The following CNTNAP2 variants were observed in gnomAD, a reference collection of about 807,000 sequenced individuals.
CNTNAP2 encodes contactin-associated protein-like 2.
Under a neutral mutation model 155.2 loss-of-function variants are expected in CNTNAP2, and 98 were observed. The ratio of observed to expected loss-of-function variants is 0.63; its 90% CI spans 0.54 to 0.75. CNTNAP2 has a LOEUF of 0.75. Ranked by LOEUF, CNTNAP2 falls within the 30% of genes least tolerant of loss-of-function variation. The probability of loss-of-function intolerance (pLI) is 0.00; values close to 1 mark genes in which losing one functional copy is unlikely to be tolerated. For synonymous variants in CNTNAP2, 651 were observed against 631.2 expected (o/e 1.03, Z -0.47); for missense variants, 1,727 against 1,688.1 (o/e 1.02, Z -0.40).
intron 1 of CNTNAP2, among the ~76,000 whole-genome samples, chr7:146,465,725 A>T (rs1796707554): frequency 6.6e-6 from 1 of 152,184 alleles, no homozygotes; most frequent in South Asian, 2.1e-4. Context: ...AGAGTACTAG[A>T]GATTGATACG....
intron 10 of CNTNAP2, 107 bp downstream of exon 10, chr7:147,395,887 G>T (rs892076793): frequency 1.6e-6 from 2 of 1,274,010 alleles, no homozygotes; most frequent in Non-Finnish European, 2.3e-6. Flanking sequence ...TTAAAAACAG[G>T]TAAGGTGGAA....
At chr7:148,075,167 T>C (rs1803461032) in intron 15 of CNTNAP2, among the ~76,000 whole-genome samples, 1 of 152,232 alleles carries the variant, frequency 6.6e-6, no homozygotes, top group South Asian at 2.1e-4. Context: ...TCAGGTGTGG[T>C]GGCTCATGCC....
chr7:146,409,241 A>G (rs1795834160), intron 1 of CNTNAP2, among the ~76,000 whole-genome samples: 1 of 152,198 alleles, frequency 6.6e-6, no homozygotes, highest in South Asian at 2.1e-4. Context: ...CTAAAGGTAT[A>G]AGTCATTTTG....
intron 15 of CNTNAP2, among the ~76,000 whole-genome samples, chr7:148,061,503 G>A (rs1223658131): frequency 1.3e-5 from 2 of 151,936 alleles, no homozygotes; most frequent in South Asian, 2.1e-4. Context: ...ACAGGTGCAC[G>A]CCATCACGCC....
intron 8 of CNTNAP2, among the ~76,000 whole-genome samples, chr7:147,187,717 G>T (rs1802596533): frequency 6.6e-6 from 1 of 152,090 alleles, no homozygotes; most frequent in Non-Finnish European, 1.5e-5. Context: ...GTAAAAACCT[G>T]CATCTGTACC....
At chr7:147,486,182 T>A in intron 11 of CNTNAP2, 141 bp downstream of exon 11, 2 of 553,782 alleles carry the variant, frequency 3.6e-6, no homozygotes, top group Admixed American at 4.3e-5. Context: ...AATTGTCATT[T>A]CTCCAAAAAA....
intron 3 of CNTNAP2, among the ~76,000 whole-genome samples, chr7:146,842,817 C>G (rs552637323): frequency 6.6e-6 from 1 of 151,742 alleles, no homozygotes; most frequent in East Asian, 2.0e-4. Flanking sequence ...TCCCAAGTAG[C>G]TGGGACCACA....
rs1488517451 is a variant in CNTNAP2, at chr7:146,256,768, T to A, written c.97+139795T>A. The stretch of plus-strand genomic sequence containing the variant: ...TTACCACAACACGGCAATGCAGATA[T>A]TTCCTTCAATTACTGGTGGGAAAAA... On this transcript the variant is annotated intron_variant, in intron 1 of 23. Coordinates refer to ENST00000361727, the MANE Select transcript of CNTNAP2 (RefSeq NM_014141.6). Among the ~76,000 whole-genome samples, 3 of 152,098 alleles carry A rather than the reference T, an allele frequency of 2.0e-5. No homozygotes were observed. The East Asian group carries it at 5.8e-4, about 29-fold the overall frequency.
chr7:147,734,227 G>A (rs914967099), intron 13 of CNTNAP2, among the ~76,000 whole-genome samples: 18 of 152,110 alleles, frequency 1.2e-4, no homozygotes, highest in Non-Finnish European at 2.9e-5. Context: ...TAGCATGAAG[G>A]GCTATTGAAT....
intron 1 of CNTNAP2, among the ~76,000 whole-genome samples, chr7:146,152,887 C>T (rs1798072354): frequency 6.6e-6 from 1 of 152,068 alleles, no homozygotes; most frequent in Non-Finnish European, 1.5e-5. Flanking sequence ...GTGCTCTACC[C>T]ATCAACCTTC....
chr7:146,659,609 C>T (rs754393468), intron 1 of CNTNAP2, among the ~76,000 whole-genome samples: 12 of 152,036 alleles, frequency 7.9e-5, no homozygotes, highest in Non-Finnish European at 1.2e-4. Context: ...GATTCCCAAA[C>T]CACTCATCTA....
intron 15 of CNTNAP2, among the ~76,000 whole-genome samples, chr7:148,032,587 AC>A (rs1802498013): frequency 6.6e-6 from 1 of 152,156 alleles, no homozygotes; most frequent in Admixed American, 6.5e-5. Context: ...CCCAAGGGAA[AC>A]GTTCAAGGTC....
At chr7:146,998,559 G>A (rs1798355027) in intron 3 of CNTNAP2, among the ~76,000 whole-genome samples, 1 of 151,864 alleles carries the variant, frequency 6.6e-6, no homozygotes, top group Non-Finnish European at 1.5e-5. Flanking sequence ...TTAGTCAGTA[G>A]GACAGTTTCA....
chr7:147,404,684 T>C (rs1796975222), intron 10 of CNTNAP2, among the ~76,000 whole-genome samples: 2 of 152,172 alleles, frequency 1.3e-5, no homozygotes, highest in South Asian at 2.1e-4. Flanking sequence ...TTTCATTTGA[T>C]CTTTAGCTTC....
chr7:148,214,464 T>G (rs1232976990), intron 18 of CNTNAP2, among the ~76,000 whole-genome samples: 2 of 152,252 alleles, frequency 1.3e-5, no homozygotes, highest in East Asian at 3.8e-4. Flanking sequence ...ATCTTCACAC[T>G]TCAGTAAGTC....
intron 3 of CNTNAP2, among the ~76,000 whole-genome samples, chr7:146,892,111 G>A (rs1795790148): frequency 6.6e-6 from 1 of 152,160 alleles, no homozygotes; most frequent in Admixed American, 6.6e-5. Flanking sequence ...TGTGCTTTGT[G>A]TGCCATCAGC....
rs193180538 is a variant in CNTNAP2, at chr7:146,704,589, C to T, written c.98-69682C>T. On this transcript the variant is annotated intron_variant, in intron 1 of 23. Transcript: ENST00000361727. ...ATCACACTCTTACAAATGATATACA[C>T]TTAAATGTAATCTGGGCCCTATGTT... 3.3e-4 allele frequency among the ~76,000 whole-genome samples: 50 copies of T among 152,200 alleles called. No homozygotes were observed. In the East Asian group the frequency reaches 8.9e-3, roughly 27 times the overall value.
intron 11 of CNTNAP2, among the ~76,000 whole-genome samples, chr7:147,518,218 C>T (rs1799164261): frequency 6.6e-6 from 1 of 151,982 alleles, no homozygotes; most frequent in Non-Finnish European, 1.5e-5. Context: ...ATACACTGAA[C>T]ATAGAAACAA....
chr7:147,510,749 T>G (rs1478355567), intron 11 of CNTNAP2, among the ~76,000 whole-genome samples: 3 of 150,604 alleles, frequency 2.0e-5, no homozygotes, highest in Non-Finnish European at 3.0e-5. Flanking sequence ...CTTGGTAGGT[T>G]AATATATGAC....
Sources: allele counts gnomAD v4.1 joint callset (sites outside exome capture counted in the v4.1 genomes callset), GRCh38; gene constraint gnomAD v4.1.1; transcripts MANE v1.5; gene names NCBI Gene and HGNC (gene_info 2026-07-23, HGNC 2026-07-21).